SDCCAG8: variants seen among roughly 807,000 people sequenced by gnomAD.
SDCCAG8 encodes the protein SHH signaling and ciliogenesis regulator SDCCAG8, also known as serologically defined colon cancer antigen 8.
A neutral mutation model predicts 101.8 loss-of-function variants in SDCCAG8; 74 were observed. That is an observed-to-expected ratio of 0.73 (90% CI 0.60 to 0.88). SDCCAG8 has a LOEUF of 0.88. Among genes scored for constraint, SDCCAG8 ranks in the 40% least tolerant of loss-of-function variants. The pLI is 0.00. For missense variants in SDCCAG8, 787 were observed against 822.6 expected (o/e 0.96, Z 0.53); for synonymous variants, 281 against 292.9 (o/e 0.96, Z 0.41).
chr1:243,262,831 T>C (rs2067295418), intron 1 of SDCCAG8, among the ~76,000 whole-genome samples: 2 of 152,230 alleles, frequency 1.3e-5, no homozygotes, highest in South Asian at 4.1e-4. Context: ...GAAATGCCCT[T>C]GTGCACTGGC....
rs147319209 is a variant in SDCCAG8 at position 243,263,407 on chromosome 1, C to A, written c.68-6698C>A. On this transcript the variant is annotated intron_variant, in intron 1 of 17. Transcript: ENST00000366541. Reference sequence around the variant, plus strand: ...TAGAAGTACAGGCTTTGCTTGTAGCCCTTGATCTGCAAGAATCCTACTTTA... The same window carrying A: ...TAGAAGTACAGGCTTTGCTTGTAGCACTTGATCTGCAAGAATCCTACTTTA... Among the ~76,000 whole-genome samples the A allele has an allele frequency of 1.6e-4, 25 of 152,168 alleles. No individual in the cohort carries two copies. In the East Asian group the frequency reaches 4.8e-3, roughly 29 times the overall value.
chr1:243,477,018 A>ACGCG (rs35281423), intron 16 of SDCCAG8, among the ~76,000 whole-genome samples: 13 of 144,044 alleles, frequency 9.0e-5, no homozygotes, highest in Non-Finnish European at 1.7e-4. Flanking sequence ...ACACACACAC[A>ACGCG]CACACACACA....
In SDCCAG8 at chr1:243,476,296, C is replaced by T. The variant is rs568401114; in HGVS notation, c.1986-12718C>T. ...AAAAAGCTTTCAGCATTGACGGTTCCGTAGCGGACGGCCAGGAGTTGTTAT... is the reference window on the plus strand; with the variant it reads ...AAAAAGCTTTCAGCATTGACGGTTCTGTAGCGGACGGCCAGGAGTTGTTAT... On this transcript the variant is annotated intron_variant, in intron 16 of 17. Coordinates refer to ENST00000366541, the MANE Select transcript of SDCCAG8 (RefSeq NM_006642.5). The T allele has an allele frequency of 3.1e-5, 31 of 985,426 alleles. No homozygotes were observed. The South Asian group carries it at 7.5e-4, about 24-fold the overall frequency. 61.0% of individuals were successfully genotyped at this position (985,426 alleles called of 1,614,324 possible). A position where few individuals can be genotyped will look rare whatever the true frequency, so the allele number is the denominator to read the frequency against.
At position 243,372,946 on chromosome 1, in the gene SDCCAG8, ATATCTATC is replaced by A. The variant is rs1428628382; in HGVS notation, c.1474-5771_1474-5764del. On this transcript the variant is annotated intron_variant, in intron 12 of 17. Coordinates refer to ENST00000366541, the MANE Select transcript of SDCCAG8 (RefSeq NM_006642.5). ...TATATCTATATCTATATCTATATCT[ATATCTATC>A]TATATATATATCTTAATATATATAT... Among the ~76,000 whole-genome samples the A allele has an allele frequency of 5.1e-3, 716 of 139,162 alleles. 2 individuals are homozygous for A. The highest frequency in any genetic ancestry group is 0.018 in the African/African-American group (654 of 35,638). The allele number at this position is 139,162 out of a possible 152,430, so 91.3% of individuals were successfully genotyped here.
chr1:243,496,297 G>A (rs1374224284), intron 17 of SDCCAG8, among the ~76,000 whole-genome samples: 1 of 152,222 alleles, frequency 6.6e-6, no homozygotes, highest in Non-Finnish European at 1.5e-5. Flanking sequence ...GGCTGGAACA[G>A]CTGCCGAGCC....
Position 243,274,660 on chromosome 1 carries a change from A to C in SDCCAG8, c.420+4A>C. The C allele has an allele frequency of 6.7e-7, 1 of 1,495,322 alleles. No homozygotes were observed. The highest frequency in any genetic ancestry group is 9.3e-7 in the Non-Finnish European group (1 of 1,073,196). The allele number at this position is 1,495,322 out of a possible 1,614,324, so 92.6% of individuals were successfully genotyped here. ...GGCAGAAGTTAAGTTCTGCAAGGTA[A>C]GTTTCTCATTAAGAATTTAAAACTA... On this transcript the variant is annotated splice_donor_region_variant and intron_variant, in intron 4 of 17. Coordinates refer to ENST00000366541, the MANE Select transcript of SDCCAG8 (RefSeq NM_006642.5).
intron 10 of SDCCAG8, among the ~76,000 whole-genome samples, chr1:243,339,964 A>G (rs2075288333): frequency 6.6e-6 from 1 of 152,240 alleles, no homozygotes; most frequent in African/African-American, 2.4e-5. Flanking sequence ...TATGACATTA[A>G]GAGCCTAGAA....
chr1:243,375,094 G>C (rs1191383503), intron 12 of SDCCAG8, among the ~76,000 whole-genome samples: 1 of 152,056 alleles, frequency 6.6e-6, no homozygotes, highest in Non-Finnish European at 1.5e-5. Context: ...ACTGACTAAT[G>C]CTTTAACCAA....
chr1:243,474,890 A>T lies in SDCCAG8; in HGVS notation c.1986-14124A>T, dbSNP rs1662089973. 6.6e-6 allele frequency among the ~76,000 whole-genome samples: 1 copy of T among 152,204 alleles called. No homozygotes were observed. The highest frequency in any genetic ancestry group is 2.4e-5 in the African/African-American group (1 of 41,460). ...AAGCATTTTATTGGCAGCATTTAGA[A>T]TCGGGGAAAAATCTACCTTCTGTTT... On this transcript the variant is annotated intron_variant, in intron 16 of 17. Transcript: ENST00000366541. The surrounding 1 kb of genome is among the most constrained non-coding windows in gnomAD (Gnocchi z 4.7).
intron 12 of SDCCAG8, among the ~76,000 whole-genome samples, chr1:243,363,875 A>C (rs2076854271): frequency 6.6e-6 from 1 of 152,214 alleles, no homozygotes; most frequent in East Asian, 1.9e-4. Flanking sequence ...GGAAGCTGTT[A>C]ATTTAAAATA....
intron 13 of SDCCAG8, among the ~76,000 whole-genome samples, chr1:243,382,310 A>G (rs1302376585): frequency 6.6e-6 from 1 of 152,214 alleles, no homozygotes; most frequent in East Asian, 1.9e-4. Context: ...AGGAGACAGG[A>G]AGACCAGTTA....
intron 6 of SDCCAG8, among the ~76,000 whole-genome samples, chr1:243,296,403 C>G (rs929996437): frequency 3.2e-4 from 49 of 152,148 alleles, no homozygotes; most frequent in Non-Finnish European, 6.8e-4. Context: ...CACCCTACAT[C>G]TACATTCTCC....
At chr1:243,475,456 C>T (rs561947453) in intron 16 of SDCCAG8, among the ~76,000 whole-genome samples, 1 of 152,276 alleles carries the variant, frequency 6.6e-6, no homozygotes, top group Non-Finnish European at 1.5e-5. Context: ...CCCCTTCCCT[C>T]CGGCGCCTCT....
At chr1:243,379,110 A>G (rs2147906725) in intron 13 of SDCCAG8, among the ~76,000 whole-genome samples, 1 of 152,326 alleles carries the variant, frequency 6.6e-6, no homozygotes, top group Non-Finnish European at 1.5e-5. Flanking sequence ...GTGATTCTCT[A>G]TCAATATAAG....
At chr1:243,316,963 G>C in intron 9 of SDCCAG8, 70 bp downstream of exon 9, 2 of 1,478,822 alleles carry the variant, frequency 1.4e-6, no homozygotes, top group Non-Finnish European at 1.9e-6. Context: ...GTATTTATTT[G>C]GTTATTCTTC....
intron 4 of SDCCAG8, among the ~76,000 whole-genome samples, chr1:243,285,184 T>G (rs2069487083): frequency 6.6e-6 from 1 of 152,166 alleles, no homozygotes; most frequent in South Asian, 2.1e-4. Flanking sequence ...CGGTCTGGAA[T>G]TTTTAACTCT....
At chr1:243,375,925 T>C in intron 12 of SDCCAG8, among the ~76,000 whole-genome samples, 1 of 152,246 alleles carries the variant, frequency 6.6e-6, no homozygotes, top group South Asian at 2.1e-4. Context: ...TTAGATTATT[T>C]GTTGATTTTG....
intron 16 of SDCCAG8, among the ~76,000 whole-genome samples, chr1:243,428,223 A>T (rs2081471635): frequency 6.6e-6 from 1 of 152,230 alleles, no homozygotes; most frequent in Non-Finnish European, 1.5e-5. Context: ...TAAGAAAGAC[A>T]AACGTGCCGA....
At chr1:243,328,051 C>T (rs2970546) in intron 9 of SDCCAG8, among the ~76,000 whole-genome samples, 70,293 of 151,276 alleles carry the variant, frequency 0.46, 18,085 homozygotes, top group East Asian at 0.74. Context: ...TACAGGTGCC[C>T]GCCGCCACAC....
Sources: allele counts gnomAD v4.1 joint callset (sites outside exome capture counted in the v4.1 genomes callset), GRCh38; gene constraint gnomAD v4.1.1; non-coding constraint Gnocchi (gnomAD v3.1); transcripts MANE v1.5; gene names NCBI Gene and HGNC (gene_info 2026-07-23, HGNC 2026-07-21).